RYR2: variants seen among roughly 807,000 people sequenced by gnomAD.
The protein encoded by RYR2 is cardiac muscle ryanodine receptor-calcium release channel.
In RYR2, 227 loss-of-function variants were observed where a neutral mutation model predicts 601.1. The ratio of observed to expected loss-of-function variants is 0.38; its 90% confidence interval spans 0.34 to 0.42. The LOEUF is 0.42. RYR2 is among the 10% of genes least tolerant of loss of function. The pLI is 1.00. For synonymous variants in RYR2, 2,223 were observed against 2,175.1 expected (o/e 1.02, Z -0.61); for missense variants, 4,646 against 6,156.5 (o/e 0.75, Z 8.21).
intron 1 of RYR2, among the ~76,000 whole-genome samples, chr1:237,139,352 A>G (rs999903459): frequency 3.3e-5 from 5 of 152,212 alleles, no homozygotes; most frequent in African/African-American, 9.7e-5. Context: ...CAGAAAGTAG[A>G]TGAGTGGCTG....
chr1:237,487,256 A>C (rs912515878), intron 17 of RYR2, among the ~76,000 whole-genome samples: 2 of 152,160 alleles, frequency 1.3e-5, no homozygotes, highest in Non-Finnish European at 2.9e-5. Flanking sequence ...TTTTCATCCA[A>C]GTGTTCAAAG....
At chr1:237,433,767 T>G (rs548115514) in intron 12 of RYR2, among the ~76,000 whole-genome samples, 1 of 152,304 alleles carries the variant, frequency 6.6e-6, no homozygotes, top group Non-Finnish European at 1.5e-5. Context: ...AGGCAAACAC[T>G]TTTTAAAAAA....
chr1:237,250,669 C>G (rs1051777551), intron 1 of RYR2, among the ~76,000 whole-genome samples: 1 of 152,162 alleles, frequency 6.6e-6, no homozygotes, highest in African/African-American at 2.4e-5. Flanking sequence ...TTTCACCCGC[C>G]AAACTCCCAG....
intron 24 of RYR2, among the ~76,000 whole-genome samples, chr1:237,522,485 A>G (rs11805989): frequency 0.01 from 1,552 of 152,218 alleles, 27 homozygotes; most frequent in African/African-American, 0.036. Context: ...TGACTCAACA[A>G]TTTTACTTCT....
intron 24 of RYR2, among the ~76,000 whole-genome samples, chr1:237,521,911 C>G (rs1667125949): frequency 6.6e-6 from 1 of 152,068 alleles, no homozygotes; most frequent in South Asian, 2.1e-4. Flanking sequence ...CTTTGTGTTG[C>G]TTGCCTGTCC....
At chr1:237,343,719 C>T (rs796157911) in intron 3 of RYR2, among the ~76,000 whole-genome samples, 97 of 152,024 alleles carry the variant, frequency 6.4e-4, no homozygotes, top group African/African-American at 2.2e-3. Flanking sequence ...TCTTGAGGTA[C>T]AGGCTCTAAA....
intron 1 of RYR2, among the ~76,000 whole-genome samples, chr1:237,100,022 A>G (rs923812824): frequency 2.6e-5 from 4 of 152,162 alleles, no homozygotes; most frequent in Non-Finnish European, 2.9e-5. Context: ...GGGCTAAGGT[A>G]AAGGCTCCCT....
intron 1 of RYR2, among the ~76,000 whole-genome samples, chr1:237,187,443 CTT>C (rs10686110): frequency 6.9e-5 from 6 of 86,786 alleles, no homozygotes; most frequent in East Asian, 3.5e-4. Flanking sequence ...GCCCGGCCGA[CTT>C]TTTTTTTTTT....
chr1:237,260,679 A>AG (rs1688422419), intron 1 of RYR2, among the ~76,000 whole-genome samples: 1 of 152,224 alleles, frequency 6.6e-6, no homozygotes, highest in South Asian at 2.1e-4. Context: ...CAAAAATAAA[A>AG]TAAAATAAAT....
intron 1 of RYR2, among the ~76,000 whole-genome samples, chr1:237,110,501 T>C (rs894557464): frequency 4.0e-5 from 6 of 149,394 alleles, no homozygotes; most frequent in African/African-American, 1.5e-4. Context: ...CACCTATGAG[T>C]GAGAACATGC....
At chr1:237,708,773 A>G in intron 68 of RYR2, 85 bp from the exon 69 acceptor site, 1 of 1,251,756 alleles carries the variant, frequency 8.0e-7, no homozygotes, top group Non-Finnish European at 1.1e-6. Flanking sequence ...GGAGGCTTTA[A>G]TTATGTTACA....
intron 1 of RYR2, among the ~76,000 whole-genome samples, chr1:237,116,084 T>C (rs1175321278): frequency 6.6e-6 from 1 of 152,242 alleles, no homozygotes; most frequent in Non-Finnish European, 1.5e-5. Flanking sequence ...GAATATCTTT[T>C]ATTTAAGAAT....
At chr1:237,056,997 T>C (rs72764017) in intron 1 of RYR2, among the ~76,000 whole-genome samples, 54,595 of 152,036 alleles carry the variant, frequency 0.36, 10,462 homozygotes, top group East Asian at 0.72. Flanking sequence ...TACGTTATTA[T>C]GGCAGCAGTA....
intron 10 of RYR2, among the ~76,000 whole-genome samples, chr1:237,395,003 G>A (rs954756163): frequency 4.6e-5 from 7 of 152,236 alleles, no homozygotes; most frequent in Middle Eastern, 6.8e-3. Context: ...ACCAGATCTC[G>A]TGAGAACTCA....
chr1:237,620,509 G>T (rs948556464), intron 38 of RYR2, among the ~76,000 whole-genome samples: 4 of 151,996 alleles, frequency 2.6e-5, no homozygotes, highest in African/African-American at 9.7e-5. Flanking sequence ...CAAGAAATTG[G>T]CAGAGTGAAT....
chr1:237,473,959 T>A (rs10159268), intron 17 of RYR2, among the ~76,000 whole-genome samples: 69,972 of 151,624 alleles, frequency 0.46, 17,936 homozygotes, highest in East Asian at 0.7. Context: ...TTTTACACTG[T>A]CATGAATCAT....
intron 1 of RYR2, among the ~76,000 whole-genome samples, chr1:237,107,466 G>A (rs1475299132): frequency 8.5e-6 from 1 of 118,088 alleles, no homozygotes; most frequent in East Asian, 3.0e-4. Flanking sequence ...TTTGCAGTGA[G>A]CCGAGATCGC....
chr1:237,355,933 T>C, intron 3 of RYR2, 32 bp from the exon 4 acceptor site: 1 of 1,578,744 alleles, frequency 6.3e-7, no homozygotes, highest in Non-Finnish European at 8.6e-7. Context: ...ATTTGTTTGT[T>C]TGTTATTTAT....
chr1:237,517,456 A>G, intron 24 of RYR2, among the ~76,000 whole-genome samples: 1 of 152,148 alleles, frequency 6.6e-6, no homozygotes, highest in East Asian at 1.9e-4. Context: ...CTTGGGCCAC[A>G]CACAAAATAC....
Sources: allele counts gnomAD v4.1 joint callset (sites outside exome capture counted in the v4.1 genomes callset), GRCh38; gene constraint gnomAD v4.1.1; transcripts MANE v1.5; gene names NCBI Gene and HGNC (gene_info 2026-07-23, HGNC 2026-07-21).